The following SMAD4 variants were observed in gnomAD, a reference collection of about 807,000 sequenced individuals.
The protein encoded by SMAD4 is MAD homolog 4.
A neutral mutation model predicts 63.2 loss-of-function variants in SMAD4; 7 were observed. The ratio of observed to expected loss-of-function variants is 0.11; its 90% CI spans 0.06 to 0.21. SMAD4 has a LOEUF of 0.21. Ranked by LOEUF, SMAD4 falls within the 10% of genes least tolerant of loss-of-function variation. The probability of loss-of-function intolerance (pLI) is 1.00; values close to 1 mark genes in which losing one functional copy is unlikely to be tolerated. For synonymous variants in SMAD4, 215 were observed against 235.4 expected (o/e 0.91, Z 0.79); for missense variants, 312 against 693.8 (o/e 0.45, Z 6.18).
intron 10 of SMAD4, among the ~76,000 whole-genome samples, chr18:51,069,343 G>C (rs2144458092): frequency 6.6e-6 from 1 of 152,264 alleles, no homozygotes; most frequent in Admixed American, 6.5e-5. Context: ...TGGAACTCCT[G>C]ACCTCAAGTG....
intron 5 of SMAD4, 92 bp downstream of exon 5, chr18:51,055,085 G>A: frequency 1.1e-6 from 1 of 922,448 alleles, no homozygotes; most frequent in South Asian, 1.3e-5. Context: ...CTCCAAGTAA[G>A]TAAACATTAA....
chr18:51,038,475 T>G (rs985051483), intron 1 of SMAD4, among the ~76,000 whole-genome samples: 5 of 152,234 alleles, frequency 3.3e-5, no homozygotes, highest in African/African-American at 1.2e-4. Flanking sequence ...GAATTGCCAC[T>G]TGAGTTTTGG....
At chr18:51,070,841 T>C (rs1910297312) in intron 10 of SMAD4, among the ~76,000 whole-genome samples, 3 of 152,302 alleles carry the variant, frequency 2.0e-5, no homozygotes, top group Middle Eastern at 3.4e-3. Context: ...CAGTAACCTT[T>C]ATTTAGTTCA....
Position 51,058,427 on chromosome 18 carries a change from C to A in SMAD4, c.875C>A (p.Pro292Gln), listed in dbSNP as rs786201404. ...HHQNGHLQHH[P>Q]PMPPHPGHYW... ...CAAAACGGCCATCTTCAGCACCACC[C>A]GCCTATGCCGCCCCATCCCGGACAT... Residue 292 changes from proline to glutamine, a missense_variant, in exon 7 of 12, where the codon CCG becomes CAG. Around this residue, in one of 4 missense-constraint regions of SMAD4, gnomAD observed 169 missense variants for 211.0 expected, o/e 0.80. Coordinates refer to ENST00000342988, the MANE Select transcript of SMAD4 (RefSeq NM_005359.6). 6.2e-7 allele frequency: 1 copy of A among 1,613,816 alleles called. No homozygotes were observed. The highest frequency in any genetic ancestry group is 8.5e-7 in the Non-Finnish European group (1 of 1,179,838).
intron 10 of SMAD4, among the ~76,000 whole-genome samples, chr18:51,072,111 T>C (rs1910332971): frequency 6.6e-6 from 1 of 152,228 alleles, no homozygotes; most frequent in African/African-American, 2.4e-5. Flanking sequence ...GGTACATACC[T>C]AAAAGTGGAA....
At chr18:51,036,794 G>A (rs968586212) in intron 1 of SMAD4, among the ~76,000 whole-genome samples, 2 of 152,138 alleles carry the variant, frequency 1.3e-5, no homozygotes, top group Non-Finnish European at 2.9e-5. Context: ...CCTAACCTGC[G>A]GGGGATTTTG....
rs1910573738 is a variant in SMAD4, at chr18:51,080,107, G to C, written c.*1640G>C. On this transcript the variant is annotated 3_prime_UTR_variant, in exon 12 of 12. Transcript: ENST00000342988. ...TCAGATGTGTTTACTTTTGCCTGGA[G>C]AACTTTTAGCTATAGAAACACTTGT... 4.3e-6 allele frequency: 1 copy of C among 232,392 alleles called. No homozygotes were observed. The highest frequency in any genetic ancestry group is 8.5e-6 in the Non-Finnish European group (1 of 117,686). 14.4% of individuals were successfully genotyped at this position (232,392 alleles called of 1,614,324 possible). A position where few individuals can be genotyped will look rare whatever the true frequency, so the allele number is the denominator to read the frequency against.
intron 5 of SMAD4, 107 bp downstream of exon 5, chr18:51,055,100 A>ACT: frequency 2.4e-6 from 2 of 831,994 alleles, no homozygotes; most frequent in Non-Finnish European, 4.2e-6. Flanking sequence ...CATTAAAAGT[A>ACT]ACTGTAGTAT....
intron 9 of SMAD4, 86 bp from the exon 10 acceptor site, chr18:51,066,933 A>T: frequency 9.9e-7 from 1 of 1,007,554 alleles, no homozygotes; most frequent in Non-Finnish European, 1.5e-6. Context: ...TTAATTTTTC[A>T]ATATTAAGCA....
chr18:51,081,310 C>G lies in SMAD4; in HGVS notation c.*2843C>G, dbSNP rs1910608036. Reference sequence around the variant, plus strand: ...GCCATGTACACCCACCGTAAGACCTCATTCCATGTTTGTCCAGTGCCTTTC... The same window carrying G: ...GCCATGTACACCCACCGTAAGACCTGATTCCATGTTTGTCCAGTGCCTTTC... On this transcript the variant is annotated 3_prime_UTR_variant, in exon 12 of 12. Coordinates refer to ENST00000342988, the MANE Select transcript of SMAD4 (RefSeq NM_005359.6). 1 of 228,310 alleles carries G rather than the reference C, an allele frequency of 4.4e-6. No individual in the cohort carries two copies. The highest frequency in any genetic ancestry group is 2.2e-5 in the African/African-American group (1 of 45,074). The allele number at this position is 228,310 out of a possible 1,614,324, so 14.1% of individuals were successfully genotyped here. A position where few individuals can be genotyped will look rare whatever the true frequency, so the allele number is the denominator to read the frequency against.
intron 5 of SMAD4, among the ~76,000 whole-genome samples, chr18:51,057,904 T>C (rs1260417652): frequency 6.6e-6 from 1 of 152,228 alleles, no homozygotes; most frequent in Non-Finnish European, 1.5e-5. Flanking sequence ...TACAATTAGT[T>C]AGACATTACC....
chr18:51,066,569 T>C (rs2144450591), intron 9 of SMAD4, among the ~76,000 whole-genome samples: 1 of 152,346 alleles, frequency 6.6e-6, no homozygotes, highest in Non-Finnish European at 1.5e-5. Flanking sequence ...AAATGATTTA[T>C]ATTTGCACTG....
At chr18:51,031,152 A>G (rs1288767131) in intron 1 of SMAD4, among the ~76,000 whole-genome samples, 2 of 152,222 alleles carry the variant, frequency 1.3e-5, no homozygotes, top group East Asian at 3.8e-4. Flanking sequence ...TATGCAGGAC[A>G]CATTCTTAGC....
chr18:51,065,759 C>G (rs1270217931), intron 9 of SMAD4, among the ~76,000 whole-genome samples, 153 bp downstream of exon 9: 1 of 152,192 alleles, frequency 6.6e-6, no homozygotes, highest in African/African-American at 2.4e-5. Context: ...TTTGTAAGCA[C>G]TCCATCTTAA....
chr18:51,036,824 A>G (rs1909219677), intron 1 of SMAD4, among the ~76,000 whole-genome samples: 1 of 152,208 alleles, frequency 6.6e-6, no homozygotes, highest in African/African-American at 2.4e-5. Context: ...CCTTTGAAGG[A>G]ATAAGCTAGA....
chr18:51,055,260 T>C (rs1205622681), intron 5 of SMAD4, among the ~76,000 whole-genome samples: 1 of 152,232 alleles, frequency 6.6e-6, no homozygotes, highest in Non-Finnish European at 1.5e-5. Context: ...CTCCCAGATA[T>C]ATTTTGGAGA....
At chr18:51,074,020 C>T (rs988304728) in intron 10 of SMAD4, among the ~76,000 whole-genome samples, 1 of 151,818 alleles carries the variant, frequency 6.6e-6, no homozygotes, top group Non-Finnish European at 1.5e-5. Flanking sequence ...GGACTGTTAT[C>T]CAAAATTACA....
chr18:51,064,939 C>A (rs180720567), intron 8 of SMAD4, among the ~76,000 whole-genome samples: 214 of 152,126 alleles, frequency 1.4e-3, no homozygotes, highest in Non-Finnish European at 2.7e-3. Context: ...TGTCATGAGT[C>A]GATGTTATTC....
chr18:51,066,840 T>C (rs933108152), intron 9 of SMAD4, 179 bp from the exon 10 acceptor site: 38 of 584,848 alleles, frequency 6.5e-5, no homozygotes, highest in Non-Finnish European at 1.1e-4. Flanking sequence ...ATGTGCATCA[T>C]TATTAGATAT....
Sources: gnomAD v4.1 joint callset for allele counts (sites outside exome capture counted in the v4.1 genomes callset) on GRCh38, gnomAD v4.1.1 for gene constraint, gnomAD v4.1.1 regional missense constraint, MANE v1.5 for transcripts, NCBI Gene and HGNC (gene_info 2026-07-23, HGNC 2026-07-21) for gene names.